The following OSBPL10 variants were observed in gnomAD, a reference collection of about 807,000 sequenced individuals.
OSBPL10 encodes oxysterol-binding protein-related protein 10.
In OSBPL10, 49 loss-of-function variants were observed where a neutral mutation model predicts 81.7. The observed-to-expected ratio is 0.60, with a 90% CI of 0.48 to 0.76. The LOEUF (loss-of-function observed/expected upper bound fraction) is 0.76. Among genes scored for constraint, OSBPL10 ranks in the 30% least tolerant of loss-of-function variants. The pLI is 0.00. For synonymous variants in OSBPL10, 419 were observed against 383.6 expected (o/e 1.09, Z -1.08); for missense variants, 923 against 987.8 (o/e 0.93, Z 0.88).
At chr3:31,966,349 C>T (rs906300005) in intron 1 of OSBPL10, among the ~76,000 whole-genome samples, 1 of 151,286 alleles carries the variant, frequency 6.6e-6, no homozygotes, top group Admixed American at 6.6e-5. Flanking sequence ...TAAATGTTTA[C>T]ATTAGAAAAG....
intron 2 of OSBPL10, among the ~76,000 whole-genome samples, chr3:31,877,004 T>TC (rs1486203345): frequency 2.0e-5 from 3 of 151,348 alleles, no homozygotes; most frequent in African/African-American, 4.9e-5. Flanking sequence ...CCTGGGTTCA[T>TC]ACCATTCTTC....
chr3:31,711,136 C>A (rs1462271761), intron 6 of OSBPL10: 4 of 152,208 alleles, frequency 2.6e-5, no homozygotes, highest in African/African-American at 4.8e-5. Flanking sequence ...AGAGGTGGAG[C>A]CTCCATTCTA....
At chr3:31,758,586 T>C (rs1697950825) in intron 4 of OSBPL10, among the ~76,000 whole-genome samples, 1 of 152,196 alleles carries the variant, frequency 6.6e-6, no homozygotes, top group African/African-American at 2.4e-5. Flanking sequence ...GTATTCCTGA[T>C]AAGAGACCAC....
chr3:31,769,562 T>TAC (rs1407377605), intron 4 of OSBPL10, among the ~76,000 whole-genome samples: 11 of 145,822 alleles, frequency 7.5e-5, no homozygotes, highest in South Asian at 4.2e-4. Flanking sequence ...AATATATTTT[T>TAC]ATATTATAAC....
At chr3:31,786,334 A>AT (rs1294919112) in intron 4 of OSBPL10, among the ~76,000 whole-genome samples, 3 of 152,114 alleles carry the variant, frequency 2.0e-5, no homozygotes, top group Non-Finnish European at 4.4e-5. Flanking sequence ...TTGGCTTAAG[A>AT]TTTTTTGAGT....
chr3:31,793,874 T>C (rs1468951147), intron 4 of OSBPL10, among the ~76,000 whole-genome samples: 2 of 152,192 alleles, frequency 1.3e-5, no homozygotes, highest in Non-Finnish European at 2.9e-5. Flanking sequence ...AGAAAAACAG[T>C]AAAAAACAAC....
In OSBPL10 at chr3:32,076,591, C is replaced by T. The variant is rs1294092448; in HGVS notation, n.185+805G>A. ...TTAACTGTCCAATGGGTTCATCTTG[C>T]CTACCACCTAGACAGCCGTTTTATC... is the stretch of plus-strand genomic sequence containing the variant. On this transcript the variant is annotated intron_variant and non_coding_transcript_variant, in intron 1 of 3. Coordinates refer to the OSBPL10 transcript ENST00000479173. Among the ~76,000 whole-genome samples the T allele has an allele frequency of 5.9e-5, 9 of 152,186 alleles. 1 individual carries two copies. The East Asian group carries it at 1.7e-3, about 29-fold the overall frequency.
At chr3:31,844,235 G>A (rs1056634730) in intron 3 of OSBPL10, among the ~76,000 whole-genome samples, 1 of 152,184 alleles carries the variant, frequency 6.6e-6, no homozygotes, top group African/African-American at 2.4e-5. Flanking sequence ...GGTTCCAACC[G>A]TGAACTGCCA....
At chr3:32,050,773 T>A (rs1245063897) in intron 1 of OSBPL10, among the ~76,000 whole-genome samples, 1 of 151,976 alleles carries the variant, frequency 6.6e-6, no homozygotes, top group Non-Finnish European at 1.5e-5. Context: ...GTGATTCTCC[T>A]GCCTCAGCCT....
chr3:31,992,176 G>T (rs1476288633), intron 2 of OSBPL10, among the ~76,000 whole-genome samples: 1 of 151,630 alleles, frequency 6.6e-6, no homozygotes, highest in African/African-American at 2.4e-5. Context: ...ATGTCAGTGT[G>T]GTGTAGGCAA....
intron 4 of OSBPL10, among the ~76,000 whole-genome samples, chr3:31,769,320 C>T (rs1260069639): frequency 6.6e-6 from 1 of 150,850 alleles, no homozygotes; most frequent in Non-Finnish European, 1.5e-5. Context: ...TGGTGCACAC[C>T]TGTAATCCCA....
chr3:32,017,826 T>A (rs1699329046), intron 2 of OSBPL10, among the ~76,000 whole-genome samples: 1 of 152,152 alleles, frequency 6.6e-6, no homozygotes, highest in African/African-American at 2.4e-5. Flanking sequence ...TTGTGAACAA[T>A]CACATTCATT....
chr3:31,804,907 CTG>C (rs899293114), intron 4 of OSBPL10, among the ~76,000 whole-genome samples: 5 of 152,152 alleles, frequency 3.3e-5, no homozygotes, highest in African/African-American at 1.2e-4. Context: ...CTTTGTGTGT[CTG>C]TTTGGTGGGA....
chr3:31,879,869 A>G, intron 1 of OSBPL10, 39 bp from the exon 2 acceptor site: 1 of 1,589,240 alleles, frequency 6.3e-7, no homozygotes, highest in Non-Finnish European at 8.6e-7. Flanking sequence ...TTTCTCTCCT[A>G]CCCTATTCTG....
intron 1 of OSBPL10, among the ~76,000 whole-genome samples, chr3:31,954,188 G>A (rs1440266651): frequency 1.3e-5 from 2 of 152,174 alleles, no homozygotes; most frequent in African/African-American, 4.8e-5. Flanking sequence ...ATTAACACCA[G>A]TCCCAAGAGG....
intron 4 of OSBPL10, chr3:31,796,025 G>A (rs11924721): frequency 0.67 from 126,382 of 188,144 alleles, 42,407 homozygotes; most frequent in East Asian, 0.77. Flanking sequence ...CCTTATGAGC[G>A]CACTGAATGT....
chr3:31,709,922 A>AAG (rs1559427384), intron 6 of OSBPL10, among the ~76,000 whole-genome samples: 1 of 152,236 alleles, frequency 6.6e-6, no homozygotes, highest in African/African-American at 2.4e-5. Flanking sequence ...TAACACAGCC[A>AAG]AGAGCTCTGA....
At chr3:31,905,809 A>C (rs1474400569) in intron 1 of OSBPL10, among the ~76,000 whole-genome samples, 1 of 151,736 alleles carries the variant, frequency 6.6e-6, no homozygotes, top group East Asian at 1.9e-4. Flanking sequence ...AAAATATAAG[A>C]CTTCTTAGCA....
At chr3:31,676,050 A>G (rs1700466694) in intron 8 of OSBPL10, among the ~76,000 whole-genome samples, 1 of 152,078 alleles carries the variant, frequency 6.6e-6, no homozygotes, top group East Asian at 1.9e-4. Context: ...GTAATACTGC[A>G]TAAGAGATAG....
Sources: allele counts gnomAD v4.1 joint callset (sites outside exome capture counted in the v4.1 genomes callset), GRCh38; gene constraint gnomAD v4.1.1; transcripts MANE v1.5; gene names NCBI Gene and HGNC (gene_info 2026-07-23, HGNC 2026-07-21).